The following MTHFD1 variants were observed in gnomAD, a reference collection of about 807,000 sequenced individuals.
MTHFD1 encodes C-1-tetrahydrofolate synthase, cytoplasmic.
MTHFD1 carries 44 observed loss-of-function variants against 110.3 expected under a neutral mutation model. The observed-to-expected ratio is 0.40, with a 90% CI of 0.31 to 0.51. The LOEUF (loss-of-function observed/expected upper bound fraction) is 0.51, where lower values mean the gene tolerates loss of function less well. Among genes scored for constraint, MTHFD1 ranks in the 20% least tolerant of loss-of-function variants. The pLI, the probability that MTHFD1 is intolerant of heterozygous loss-of-function variation, is 0.60. For synonymous variants in MTHFD1, 402 were observed against 428.8 expected (o/e 0.94, Z 0.77); for missense variants, 909 against 1,173.1 (o/e 0.77, Z 3.29).
At chr14:64,418,690 G>A (rs2078045682) in intron 7 of MTHFD1, among the ~76,000 whole-genome samples, 1 of 152,066 alleles carries the variant, frequency 6.6e-6, no homozygotes, top group African/African-American at 2.4e-5. Context: ...CTGAGTAGCT[G>A]GGATTACAGG....
At position 64,442,175 on chromosome 14, in the gene MTHFD1, T is replaced by C. The variant is rs776861329; in HGVS notation, c.1996+10T>C. 3.7e-6 allele frequency: 6 copies of C among 1,614,002 alleles called. No individual in the cohort carries two copies. Among genetic ancestry groups the C allele is most frequent in the Non-Finnish European group, 5.1e-6 (6 of 1,179,938 alleles). On this transcript the variant is annotated intron_variant, in intron 20 of 27. Transcript: ENST00000652337. Reference sequence around the variant, plus strand: ...CCAGAAGGGTTTGTAGGTTAGTGTTTTTTGCAAAACCAGTGAATAGACTGT... The same window carrying C: ...CCAGAAGGGTTTGTAGGTTAGTGTTCTTTGCAAAACCAGTGAATAGACTGT...
At chr14:64,411,440 C>T (rs542246689) in intron 3 of MTHFD1, among the ~76,000 whole-genome samples, 1 of 152,156 alleles carries the variant, frequency 6.6e-6, no homozygotes, top group South Asian at 2.1e-4. Context: ...TAAGGACACA[C>T]CTGGGAGACA....
Position 64,440,178 on chromosome 14 carries a change from C to G in MTHFD1, c.1727C>G (p.Thr576Ser). 1 of 1,614,104 alleles carries G rather than the reference C, an allele frequency of 6.2e-7. No homozygotes were observed. Among genetic ancestry groups the G allele is most frequent in the Admixed American group, 1.7e-5 (1 of 60,010 alleles). ...ASEIMAVLAL[T>S]TSLEDMRERL... ...GAAATTATGGCTGTCCTGGCTCTCA[C>G]CACTTCTCTAGAAGACATGAGAGAG... Residue 576 changes from threonine to serine, a missense_variant, in exon 18 of 28, where the codon ACC (threonine) becomes AGC (serine). Around this residue, in one of 3 missense-constraint regions of MTHFD1, gnomAD observed 482 missense variants for 646.0 expected, o/e 0.75. Transcript: ENST00000652337.
chr14:64,420,110 C>G lies in MTHFD1; in HGVS notation c.727+185C>G, dbSNP rs548736805. The stretch of plus-strand genomic sequence containing the variant: ...AGTTGCCACTTGCAGGCAGGTCTGC[C>G]TGGTGCCAGAGCCTTTGATTTTCAT... On this transcript the variant is annotated intron_variant, in intron 8 of 27. Transcript: ENST00000652337. Among the ~76,000 whole-genome samples the G allele has an allele frequency of 2.4e-4, 36 of 152,272 alleles. 1 individual carries two copies. Among genetic ancestry groups the G allele is most frequent in the Non-Finnish European group, 4.9e-4 (33 of 68,010 alleles).
Position 64,417,806 on chromosome 14 carries a change from C to G in MTHFD1, c.479-82C>G. 6.4e-7 allele frequency: 1 copy of G among 1,569,098 alleles called. No individual in the cohort carries two copies. Among genetic ancestry groups the G allele is most frequent in the South Asian group, 1.1e-5 (1 of 89,924 alleles). On this transcript the variant is annotated intron_variant, in intron 6 of 27. Transcript: ENST00000652337. This position sits in a 1 kb window ranked among gnomAD's most constrained non-coding sequence, Gnocchi z 4.4. Reference sequence around the variant, plus strand: ...GATGTTAAGAACCTGTTTTTGTGCACTTATTCTAATTTCTCCACGTGGCAT... The same window carrying G: ...GATGTTAAGAACCTGTTTTTGTGCAGTTATTCTAATTTCTCCACGTGGCAT...
rs985066589 is a variant in MTHFD1 at position 64,429,535 on chromosome 14, G to A, written c.1265-649G>A. On this transcript the variant is annotated intron_variant, in intron 12 of 27. Transcript: ENST00000652337. ...AATCTAGAAACCTGAAATCTGAAAG[G>A]CTCCAAAATTCTAAACTTTTTGAGT... is the stretch of plus-strand genomic sequence containing the variant. 4.6e-5 allele frequency among the ~76,000 whole-genome samples: 7 copies of A among 151,976 alleles called. 1 individual carries two copies. Among genetic ancestry groups the A allele is most frequent in the Admixed American group, 3.9e-4 (6 of 15,236 alleles).
intron 16 of MTHFD1, among the ~76,000 whole-genome samples, chr14:64,438,793 G>A (rs2078225593): frequency 6.6e-6 from 1 of 152,034 alleles, no homozygotes. Context: ...AGACTGCTCT[G>A]TTTTTCTTAT....
intron 16 of MTHFD1, 149 bp from the exon 17 acceptor site, chr14:64,438,947 C>T (rs908626335): frequency 2.7e-5 from 19 of 706,904 alleles, no homozygotes; most frequent in African/African-American, 5.3e-5. Context: ...CATTTCTTAA[C>T]TTTAACACAT....
chr14:64,438,639 A>G (rs1381924464), intron 16 of MTHFD1, among the ~76,000 whole-genome samples: 2 of 152,116 alleles, frequency 1.3e-5, no homozygotes, highest in Admixed American at 1.3e-4. Flanking sequence ...AAATTTCCAG[A>G]CCAGGCCTGG....
intron 4 of MTHFD1, 146 bp downstream of exon 4, chr14:64,412,671 C>T (rs571096873): frequency 4.8e-6 from 3 of 627,274 alleles, no homozygotes; most frequent in African/African-American, 2.1e-5. Flanking sequence ...CAGTTTTGCT[C>T]ATGTCACCCA....
chr14:64,392,406 G>C (rs1180381609), intron 1 of MTHFD1, among the ~76,000 whole-genome samples: 4 of 152,170 alleles, frequency 2.6e-5, no homozygotes, highest in Admixed American at 2.0e-4. Context: ...CCTTTCAAAG[G>C]GGGGCTTACT....
At chr14:64,441,304 G>A (rs1386390554) in intron 18 of MTHFD1, 81 bp from the exon 19 acceptor site, 2 of 1,309,420 alleles carry the variant, frequency 1.5e-6, no homozygotes, top group African/African-American at 1.5e-5. Context: ...ACATGGGTAA[G>A]CCTAGAATGT....
intron 16 of MTHFD1, 23 bp from the exon 17 acceptor site, chr14:64,439,073 T>C (rs1200968622): frequency 6.3e-7 from 1 of 1,592,028 alleles, no homozygotes; most frequent in African/African-American, 1.3e-5. Flanking sequence ...AAAATCGTTC[T>C]ATATCTTGCC....
At chr14:64,423,584 C>T (rs1210268369) in intron 8 of MTHFD1, among the ~76,000 whole-genome samples, 1 of 151,586 alleles carries the variant, frequency 6.6e-6, no homozygotes, top group African/African-American at 2.4e-5. Flanking sequence ...TTAGTAGAGA[C>T]GGGGTTTCAC....
intron 2 of MTHFD1, 99 bp from the exon 3 acceptor site, chr14:64,410,991 T>C: frequency 1.2e-6 from 1 of 857,122 alleles, no homozygotes; most frequent in Non-Finnish European, 2.0e-6. Flanking sequence ...AAGAGTCGCA[T>C]GATTAAACAT....
intron 8 of MTHFD1, among the ~76,000 whole-genome samples, chr14:64,422,025 T>C (rs996272555): frequency 1.6e-4 from 24 of 151,970 alleles, no homozygotes; most frequent in African/African-American, 5.6e-4. Context: ...AAAACCTGAG[T>C]GGGGATCTTG....
At chr14:64,435,713 T>C (rs760552860) in intron 16 of MTHFD1, 42 bp downstream of exon 16, 2 of 1,129,158 alleles carry the variant, frequency 1.8e-6, no homozygotes, top group Non-Finnish European at 2.7e-6. Context: ...TTGGCTATAT[T>C]GCACACCCTA....
At chr14:64,437,074 C>A (rs550469442) in intron 16 of MTHFD1, among the ~76,000 whole-genome samples, 2 of 151,296 alleles carry the variant, frequency 1.3e-5, no homozygotes, top group South Asian at 2.1e-4. Context: ...AATAATTTGG[C>A]ATATTATCAA....
chr14:64,409,836 A>G (rs2077968088), intron 2 of MTHFD1, among the ~76,000 whole-genome samples: 1 of 152,226 alleles, frequency 6.6e-6, no homozygotes, highest in Admixed American at 6.5e-5. Context: ...AGATCTGAGG[A>G]GAGCGTCCAG....
Sources: gnomAD v4.1 joint callset for allele counts (sites outside exome capture counted in the v4.1 genomes callset) on GRCh38, gnomAD v4.1.1 for gene constraint, gnomAD v4.1.1 regional missense constraint, Gnocchi (gnomAD v3.1) non-coding constraint, MANE v1.5 for transcripts, NCBI Gene and HGNC (gene_info 2026-07-23, HGNC 2026-07-21) for gene names.